Variants in NRCAM observed in about 807,000 individuals in gnomAD.
The protein encoded by NRCAM is NgCAM-related cell adhesion molecule.
In NRCAM, 83 loss-of-function variants were observed where a neutral mutation model predicts 156.5. The ratio of observed to expected loss-of-function variants is 0.53; its 90% CI spans 0.44 to 0.64. The LOEUF is 0.64. NRCAM is among the 30% of genes least tolerant of loss of function. The probability of loss-of-function intolerance (pLI) is 0.00; values close to 1 mark genes in which losing one functional copy is unlikely to be tolerated. For synonymous variants in NRCAM, 538 were observed against 563.9 expected (o/e 0.95, Z 0.65); for missense variants, 1,417 against 1,597.3 (o/e 0.89, Z 1.92).
intron 8 of NRCAM, among the ~76,000 whole-genome samples, chr7:108,227,015 C>T (rs181204284): frequency 5.9e-5 from 9 of 152,296 alleles, no homozygotes; most frequent in Non-Finnish European, 1.0e-4. Context: ...GTTCCTCCAC[C>T]TCCTCTACAA....
intron 2 of NRCAM, among the ~76,000 whole-genome samples, chr7:108,317,388 G>C (rs563723518): frequency 2.6e-5 from 4 of 152,172 alleles, no homozygotes; most frequent in Non-Finnish European, 5.9e-5. Flanking sequence ...AAATTGATTA[G>C]AGGGTATTAA....
At chr7:108,415,608 G>A (rs971786132) in intron 1 of NRCAM, among the ~76,000 whole-genome samples, 1 of 152,192 alleles carries the variant, frequency 6.6e-6, no homozygotes, top group Non-Finnish European at 1.5e-5. Context: ...AAGGCCGGGC[G>A]CAGTGGCTCA....
intron 3 of NRCAM, among the ~76,000 whole-genome samples, chr7:108,246,633 TGA>T (rs2095947371): frequency 6.6e-6 from 1 of 152,038 alleles, no homozygotes; most frequent in South Asian, 2.1e-4. Flanking sequence ...ACTGGATAGG[TGA>T]TAACAAGCAC....
At chr7:108,306,834 T>C (rs2098721455) in intron 3 of NRCAM, among the ~76,000 whole-genome samples, 1 of 152,220 alleles carries the variant, frequency 6.6e-6, no homozygotes, top group South Asian at 2.1e-4. Flanking sequence ...ACCAAGTGTC[T>C]AATGGGCAAT....
chr7:108,240,966 T>C (rs2095484330), intron 3 of NRCAM, among the ~76,000 whole-genome samples: 1 of 152,192 alleles, frequency 6.6e-6, no homozygotes, highest in Non-Finnish European at 1.5e-5. Flanking sequence ...TGCCTCAAAT[T>C]TTCCTGCCTT....
At position 108,292,463 on chromosome 7, in the gene NRCAM, C is replaced by T. The variant is rs185019834; in HGVS notation, c.-107+20202G>A. 9.2e-3 allele frequency among the ~76,000 whole-genome samples: 1,400 copies of T among 152,300 alleles called. 16 individuals are homozygous for T. The highest frequency in any genetic ancestry group is 0.014 in the Non-Finnish European group (925 of 68,030). On this transcript the variant is annotated intron_variant, in intron 3 of 32. Transcript: ENST00000379028. ...ATGCAATTGAAGTTTTAGAGACTTG[C>T]TTACTAACTCAGGAGTATGTTTTAT...
intron 13 of NRCAM, among the ~76,000 whole-genome samples, chr7:108,199,181 G>A (rs1376145377): frequency 6.6e-6 from 1 of 152,106 alleles, no homozygotes; most frequent in Non-Finnish European, 1.5e-5. Context: ...TTGGTGAAAG[G>A]AAAAGGATGT....
intron 2 of NRCAM, among the ~76,000 whole-genome samples, chr7:108,355,397 T>C (rs1052548378): frequency 6.6e-6 from 1 of 152,136 alleles, no homozygotes; most frequent in Admixed American, 6.5e-5. Flanking sequence ...AAAATAATAA[T>C]AACACATTTA....
Position 108,181,915 on chromosome 7 carries a change from G to T in NRCAM, c.2553C>A (p.Asn851Lys), listed in dbSNP as rs540122044. 1 of 1,613,946 alleles carries T rather than the reference G, an allele frequency of 6.2e-7. No homozygotes were observed. Among genetic ancestry groups the T allele is most frequent in the East Asian group, 2.2e-5 (1 of 44,886 alleles). The change falls in exon 24 of 33, where the codon AAC (asparagine) becomes AAA (lysine). Residue 851 changes from asparagine to lysine, a missense_variant. This residue lies in a region of NRCAM where 1,238 missense variants were observed against 1,336.4 expected (regional missense o/e 0.93). Coordinates refer to ENST00000379028, the MANE Select transcript of NRCAM (RefSeq NM_001037132.4). Reference sequence around the variant, plus strand: ...TACTGTTCACCACATTCACACGCACGTTCCCAGGAGCCACCATTGGGACTA... The same window carrying T: ...TACTGTTCACCACATTCACACGCACTTTCCCAGGAGCCACCATTGGGACTA... ...GEDLPMVAPG[N>K]VRVNVVNSTL...
intron 2 of NRCAM, among the ~76,000 whole-genome samples, chr7:108,387,247 C>T (rs949270064): frequency 6.6e-6 from 1 of 152,116 alleles, no homozygotes; most frequent in Non-Finnish European, 1.5e-5. Context: ...AATTTCTCCA[C>T]ATACCTTATT....
At chr7:108,160,238 A>T in intron 31 of NRCAM, 123 bp downstream of exon 31, 2 of 894,690 alleles carry the variant, frequency 2.2e-6, no homozygotes, top group East Asian at 5.0e-5. Flanking sequence ...TTTGAAGAGA[A>T]AGTCCAAACT....
chr7:108,294,193 GTTTTTT>G (rs56717039), intron 3 of NRCAM, among the ~76,000 whole-genome samples: 4 of 87,958 alleles, frequency 4.5e-5, no homozygotes, highest in South Asian at 5.8e-4. Flanking sequence ...TTCTTTACTG[GTTTTTT>G]TTTTTTTTTT....
chr7:108,166,380 T>C (rs956250571), intron 30 of NRCAM, among the ~76,000 whole-genome samples: 3 of 151,942 alleles, frequency 2.0e-5, no homozygotes, highest in Non-Finnish European at 4.4e-5. Flanking sequence ...CCTGAGTAGC[T>C]GGGATTACAG....
At chr7:108,384,252 CA>C (rs1460937134) in intron 2 of NRCAM, among the ~76,000 whole-genome samples, 10 of 151,400 alleles carry the variant, frequency 6.6e-5, no homozygotes, top group African/African-American at 4.8e-5. Context: ...AAATAAAAGT[CA>C]AAAAAACCCA....
intron 2 of NRCAM, among the ~76,000 whole-genome samples, chr7:108,363,258 AG>A (rs1341090109): frequency 6.6e-6 from 1 of 152,160 alleles, no homozygotes; most frequent in African/African-American, 2.4e-5. Context: ...ACCCTCAAGG[AG>A]GTAGAGTATA....
intron 3 of NRCAM, among the ~76,000 whole-genome samples, chr7:108,266,906 C>CTTACAA (rs113774934): frequency 6.6e-6 from 1 of 151,794 alleles, no homozygotes; most frequent in African/African-American, 2.4e-5. Flanking sequence ...GATTTTACCC[C>CTTACAA]GCTAACAAGT....
intron 3 of NRCAM, among the ~76,000 whole-genome samples, chr7:108,287,802 A>G (rs1393824699): frequency 1.3e-5 from 2 of 152,128 alleles, no homozygotes; most frequent in African/African-American, 4.8e-5. Context: ...TGTGGAAAAC[A>G]GTAAGGAGAT....
chr7:108,169,985 G>A (rs974837852), intron 28 of NRCAM, among the ~76,000 whole-genome samples: 1 of 152,056 alleles, frequency 6.6e-6, no homozygotes, highest in Non-Finnish European at 1.5e-5. Context: ...GTTTCTATGG[G>A]TGCTCCCTTC....
chr7:108,181,096 T>C (rs79484017), intron 24 of NRCAM, among the ~76,000 whole-genome samples: 5,437 of 152,214 alleles, frequency 0.036, 303 homozygotes, highest in African/African-American at 0.12. Flanking sequence ...TGGTCACAAA[T>C]CCAGAATTGT....
Sources: gnomAD v4.1 joint callset for allele counts (sites outside exome capture counted in the v4.1 genomes callset) on GRCh38, gnomAD v4.1.1 for gene constraint, gnomAD v4.1.1 regional missense constraint, MANE v1.5 for transcripts, NCBI Gene and HGNC (gene_info 2026-07-23, HGNC 2026-07-21) for gene names.